Variants in SPAG17 observed in about 807,000 individuals in gnomAD.
SPAG17 encodes sperm associated antigen 17.
Under a neutral mutation model 273.6 loss-of-function variants are expected in SPAG17, and 169 were observed. The ratio of observed to expected loss-of-function variants is 0.62; its 90% confidence interval spans 0.55 to 0.70. The LOEUF (loss-of-function observed/expected upper bound fraction) is 0.70, where lower values mean the gene tolerates loss of function less well. SPAG17 is among the 30% of genes least tolerant of loss of function. The pLI is 0.00. For synonymous variants in SPAG17, 825 were observed against 873.2 expected, an observed-to-expected ratio of 0.94 and a Z score of 0.97; for missense variants, 2,557 against 2,627.8, an observed-to-expected ratio of 0.97 and a Z score of 0.59.
At chr1:118,176,408 T>C (rs983421892) in intron 1 of SPAG17, among the ~76,000 whole-genome samples, 1 of 152,188 alleles carries the variant, frequency 6.6e-6, no homozygotes, top group African/African-American at 2.4e-5. Context: ...AGAGCACGAA[T>C]AGCTATACTT....
intron 3 of SPAG17, among the ~76,000 whole-genome samples, chr1:118,116,625 A>G (rs1657096059): frequency 6.6e-6 from 1 of 152,164 alleles, no homozygotes; most frequent in Admixed American, 6.5e-5. Flanking sequence ...AAAGGGAGGT[A>G]CCTATTTTCT....
At chr1:118,138,153 G>A (rs913945011) in intron 3 of SPAG17, among the ~76,000 whole-genome samples, 1 of 152,176 alleles carries the variant, frequency 6.6e-6, no homozygotes, top group African/African-American at 2.4e-5. Flanking sequence ...AGAGCTCAAT[G>A]AAGAACAGAC....
At chr1:117,969,022 A>C (rs1372235626) in intron 46 of SPAG17, among the ~76,000 whole-genome samples, 1 of 152,212 alleles carries the variant, frequency 6.6e-6, no homozygotes, top group Non-Finnish European at 1.5e-5. Context: ...TGCTGAGTGA[A>C]GTATGAAGTA....
intron 25 of SPAG17, 62 bp from the exon 26 acceptor site, chr1:118,028,456 T>A: frequency 6.3e-7 from 1 of 1,592,622 alleles, no homozygotes; most frequent in Non-Finnish European, 8.6e-7. Flanking sequence ...ATTATTTATT[T>A]TGACTAAGCC....
At chr1:118,164,487 T>A (rs1288000172) in intron 1 of SPAG17, among the ~76,000 whole-genome samples, 1 of 152,248 alleles carries the variant, frequency 6.6e-6, no homozygotes, top group Non-Finnish European at 1.5e-5. Context: ...AGATATGCAA[T>A]CACAGTTGCC....
chr1:118,146,151 T>G (rs745920155), intron 3 of SPAG17, among the ~76,000 whole-genome samples: 4 of 152,204 alleles, frequency 2.6e-5, no homozygotes, highest in Non-Finnish European at 4.4e-5. Context: ...AAAGTGATAA[T>G]GTCAAACCTA....
chr1:118,036,048 T>C (rs1181435367), intron 24 of SPAG17, among the ~76,000 whole-genome samples: 1 of 152,030 alleles, frequency 6.6e-6, no homozygotes, highest in East Asian at 1.9e-4. Context: ...ATTAGCCAGG[T>C]GTGGTGGCAT....
intron 1 of SPAG17, among the ~76,000 whole-genome samples, chr1:118,166,344 C>T (rs1030402724): frequency 6.6e-6 from 1 of 152,042 alleles, no homozygotes; most frequent in Non-Finnish European, 1.5e-5. Flanking sequence ...ATTGAGTTAC[C>T]ATGGAAGTAT....
chr1:118,170,484 G>A (rs1404968109), intron 1 of SPAG17, among the ~76,000 whole-genome samples: 1 of 152,116 alleles, frequency 6.6e-6, no homozygotes, highest in Non-Finnish European at 1.5e-5. Flanking sequence ...GAGTGGAAAG[G>A]TAGAAGTTCA....
At chr1:117,996,851 A>C in intron 32 of SPAG17, 108 bp from the exon 33 acceptor site, 1 of 1,162,216 alleles carries the variant, frequency 8.6e-7, no homozygotes, top group South Asian at 1.6e-5. Flanking sequence ...TACTCACAAA[A>C]TTGGAGATGT....
chr1:118,127,500 G>C (rs916066262), intron 3 of SPAG17, among the ~76,000 whole-genome samples: 1 of 152,130 alleles, frequency 6.6e-6, no homozygotes, highest in Admixed American at 6.5e-5. Flanking sequence ...ATCTCTAAGG[G>C]GATAGCCCAA....
intron 3 of SPAG17, 115 bp downstream of exon 3, chr1:118,150,428 A>G: frequency 1.9e-6 from 1 of 517,950 alleles, no homozygotes; most frequent in Middle Eastern, 5.4e-4. Flanking sequence ...AATATCTCCA[A>G]TGAGGAGCAG....
chr1:118,179,621 C>G (rs897357075), intron 1 of SPAG17, among the ~76,000 whole-genome samples: 1 of 151,866 alleles, frequency 6.6e-6, no homozygotes, highest in African/African-American at 2.4e-5. Context: ...AAGCTCTGCA[C>G]AGCAAAGAAA....
At chr1:118,154,625 T>C (rs1035670386) in intron 1 of SPAG17, among the ~76,000 whole-genome samples, 4 of 151,604 alleles carry the variant, frequency 2.6e-5, no homozygotes, top group Admixed American at 1.3e-4. Flanking sequence ...TTGAAAAAAA[T>C]CAGACACAGA....
At chr1:118,130,271 A>C (rs1202853991) in intron 3 of SPAG17, among the ~76,000 whole-genome samples, 1 of 152,112 alleles carries the variant, frequency 6.6e-6, no homozygotes, top group Non-Finnish European at 1.5e-5. Flanking sequence ...CCTACCCCAG[A>C]ACCTCTGGGA....
At chr1:117,960,933 TC>T (rs1159180545) in intron 48 of SPAG17, 1 of 152,232 alleles carries the variant, frequency 6.6e-6, no homozygotes, top group Non-Finnish European at 1.5e-5. Flanking sequence ...CTAATTTTTT[TC>T]ATCTGAAACT....
chr1:118,125,287 G>A (rs373117858), intron 3 of SPAG17, among the ~76,000 whole-genome samples: 1 of 151,764 alleles, frequency 6.6e-6, no homozygotes. Context: ...GGGATACAAA[G>A]TGATATTTTT....
intron 3 of SPAG17, among the ~76,000 whole-genome samples, chr1:118,116,612 A>G (rs552842610): frequency 1.3e-5 from 2 of 152,142 alleles, no homozygotes; most frequent in Non-Finnish European, 2.9e-5. Context: ...AAATAGCCGG[A>G]AGAAAGGGAG....
chr1:118,150,654 T>G, intron 2 of SPAG17, 25 bp from the exon 3 acceptor site: 1 of 1,314,654 alleles, frequency 7.6e-7, no homozygotes, highest in Non-Finnish European at 1.1e-6. Flanking sequence ...AATTTACTTA[T>G]GATGAAAAAA....
Sources: gnomAD v4.1 joint callset for allele counts (sites outside exome capture counted in the v4.1 genomes callset) on GRCh38, gnomAD v4.1.1 for gene constraint, MANE v1.5 for transcripts, NCBI Gene and HGNC (gene_info 2026-07-23, HGNC 2026-07-21) for gene names.